MYOM1: variants seen among roughly 807,000 people sequenced by gnomAD.
The protein encoded by MYOM1 is myomesin 1.
Under a neutral mutation model 205.3 loss-of-function variants are expected in MYOM1, and 164 were observed. That is an observed-to-expected ratio of 0.80 (90% CI 0.70 to 0.91). MYOM1 has a LOEUF of 0.91. MYOM1 is among the 40% of genes least tolerant of loss of function. MYOM1 has a pLI of 0.00. For missense variants in MYOM1, 2,011 were observed against 2,127.3 expected (o/e 0.95, Z 1.08); for synonymous variants, 772 against 789.4 (o/e 0.98, Z 0.37).
Position 3,209,111 on chromosome 18 carries a change from TC to T in MYOM1, c.290+5822del, listed in dbSNP as rs1172767507. 2.0e-5 allele frequency among the ~76,000 whole-genome samples: 3 copies of T among 152,216 alleles called. No homozygotes were observed. The highest frequency in any genetic ancestry group is 4.4e-5 in the Non-Finnish European group (3 of 68,034). The stretch of plus-strand genomic sequence containing the variant: ...AACACTAACAAAAGAATAAGGCATT[TC>T]TTTGACACGATGTAGAGGGAATCTG... On this transcript the variant is annotated intron_variant, in intron 2 of 37. Transcript: ENST00000356443. This position sits in a 1 kb window ranked among gnomAD's most constrained non-coding sequence, Gnocchi z 4.0.
intron 2 of MYOM1, among the ~76,000 whole-genome samples, chr18:3,199,556 C>T (rs1215653987): frequency 2.6e-5 from 4 of 152,170 alleles, no homozygotes; most frequent in Non-Finnish European, 4.4e-5. Flanking sequence ...ATTACCTGCA[C>T]ACCGGCTGGG....
At chr18:3,070,328 G>T (rs1363658546) in intron 37 of MYOM1, among the ~76,000 whole-genome samples, 1 of 151,952 alleles carries the variant, frequency 6.6e-6, no homozygotes, top group African/African-American at 2.4e-5. Context: ...TTTAAAAATT[G>T]TTTTTGTAGA....
chr18:3,072,384 C>T (rs536645115), intron 36 of MYOM1, among the ~76,000 whole-genome samples: 1 of 60,740 alleles, frequency 1.6e-5, no homozygotes, highest in African/African-American at 1.0e-4. Flanking sequence ...GGCAGAGTCT[C>T]GCTCTGTCAC....
chr18:3,128,220 C>T (rs1299563327), intron 18 of MYOM1, among the ~76,000 whole-genome samples: 2 of 152,156 alleles, frequency 1.3e-5, no homozygotes, highest in Non-Finnish European at 2.9e-5. Flanking sequence ...TCTCTCTCTC[C>T]CTCTATTTCA....
intron 2 of MYOM1, among the ~76,000 whole-genome samples, chr18:3,214,237 G>GTATA (rs556499124): frequency 2.0e-3 from 311 of 152,296 alleles, no homozygotes; most frequent in African/African-American, 6.7e-3. Flanking sequence ...ATTTTAAATT[G>GTATA]TATATATCAG....
chr18:3,193,381 C>CACACACACACACAA (rs139388864), intron 3 of MYOM1, among the ~76,000 whole-genome samples: 11 of 141,470 alleles, frequency 7.8e-5, no homozygotes, highest in South Asian at 2.2e-4. Context: ...CACACACACA[C>CACACACACACACAA]AATAATAAAA....
the MYOM1 span, among the ~76,000 whole-genome samples, chr18:3,243,291 A>G: frequency 1.3e-5 from 2 of 152,226 alleles, no homozygotes; most frequent in Admixed American, 6.5e-5. Flanking sequence ...ATGTATGAAG[A>G]ATTAGAATTC....
intron 5 of MYOM1, among the ~76,000 whole-genome samples, chr18:3,184,191 C>A (rs1222378123): frequency 6.6e-6 from 1 of 152,144 alleles, no homozygotes; most frequent in Non-Finnish European, 1.5e-5. Flanking sequence ...CAGGTGTGAG[C>A]CAGCTGGCCC....
intron 10 of MYOM1, among the ~76,000 whole-genome samples, chr18:3,163,318 C>T (rs2080421106): frequency 6.6e-6 from 1 of 152,214 alleles, no homozygotes; most frequent in South Asian, 2.1e-4. Flanking sequence ...TCCACCGGAA[C>T]AGTCATAGGG....
At chr18:3,126,187 C>T (rs1025913031) in intron 19 of MYOM1, among the ~76,000 whole-genome samples, 2 of 150,830 alleles carry the variant, frequency 1.3e-5, no homozygotes, top group African/African-American at 4.9e-5. Context: ...ATCACTTTAA[C>T]CTGGGAGGTG....
At chr18:3,155,398 G>A (rs1016578051) in intron 10 of MYOM1, among the ~76,000 whole-genome samples, 1 of 152,262 alleles carries the variant, frequency 6.6e-6, no homozygotes, top group East Asian at 1.9e-4. Flanking sequence ...ATTTCTTTTT[G>A]TATTTTTGGT....
chr18:3,131,466 C>G lies in MYOM1; in HGVS notation c.2415G>C (p.Gln805His). Residue 805 changes from glutamine to histidine, a missense_variant, in exon 17 of 38, where the codon CAG becomes CAC. Coordinates refer to ENST00000356443, the MANE Select transcript of MYOM1 (RefSeq NM_003803.4). ...RFTCHGLVTG[Q>H]SYIFRVRAVN... ...CTGCTCTGACCCGGAAAATATAACT[C>G]TGACCAGTCACTAATCCATGACAAG... 6.2e-7 allele frequency: 1 copy of G among 1,613,620 alleles called. No homozygotes were observed. The highest frequency in any genetic ancestry group is 8.5e-7 in the Non-Finnish European group (1 of 1,179,728).
At chr18:3,172,668 C>T (rs1302701207) in intron 8 of MYOM1, among the ~76,000 whole-genome samples, 3 of 152,088 alleles carry the variant, frequency 2.0e-5, no homozygotes, top group African/African-American at 7.2e-5. Flanking sequence ...CACCACCATG[C>T]CTGGCTAATT....
chr18:3,069,123 G>A (rs777146333), intron 37 of MYOM1, among the ~76,000 whole-genome samples: 10 of 151,886 alleles, frequency 6.6e-5, no homozygotes, highest in Non-Finnish European at 4.4e-5. Context: ...TTTTCTGAGC[G>A]GCTATACAAT....
chr18:3,113,332 A>G (rs1381047692), intron 21 of MYOM1, among the ~76,000 whole-genome samples: 1,833 of 6,502 alleles, frequency 0.28, 41 homozygotes, highest in African/African-American at 0.33. Flanking sequence ...ATATATATAT[A>G]TATGTATGTA....
At chr18:3,103,710 C>A (rs1011792285) in intron 22 of MYOM1, among the ~76,000 whole-genome samples, 2 of 152,130 alleles carry the variant, frequency 1.3e-5, no homozygotes, top group African/African-American at 4.8e-5. Context: ...AAGAGGCCAA[C>A]ATCCTGGCCT....
At position 3,193,328 on chromosome 18, in the gene MYOM1, ACATATATATG is replaced by A. The variant is rs2080941603; in HGVS notation, c.431+480_431+489del. 8.9e-5 allele frequency among the ~76,000 whole-genome samples: 13 copies of A among 146,074 alleles called. No individual in the cohort carries two copies. The South Asian group carries it at 2.8e-3, about 31-fold the overall frequency. On this transcript the variant is annotated intron_variant, in intron 3 of 37. Transcript: ENST00000356443. Reference sequence around the variant, plus strand: ...CATATATATATGTATATGTACATATACATATATATGTACATATACATATATATATATATAC... The same window carrying A: ...CATATATATATGTATATGTACATATATACATATACATATATATATATATAC...
chr18:3,119,704 A>G (rs998045033), intron 20 of MYOM1, among the ~76,000 whole-genome samples, 165 bp downstream of exon 20: 1 of 152,264 alleles, frequency 6.6e-6, no homozygotes, highest in African/African-American at 2.4e-5. Context: ...ATTGCTACCT[A>G]TTATTTAATA....
rs1438274216 is a variant in MYOM1 at position 3,090,789 on chromosome 18, T to C, written c.3878A>G (p.His1293Arg). The change falls in exon 27 of 38, where the codon CAT becomes CGT. Residue 1293 changes from histidine (H) to arginine (R), a missense_variant. Physicochemically the swap from His to Arg is conservative, Grantham distance 29. Coordinates refer to ENST00000356443, the MANE Select transcript of MYOM1 (RefSeq NM_003803.4). Reference sequence around the variant, plus strand: ...GATGATGCCAGTGTTTCGGTCAATATGCATTTTATATTTCTTCAGTGTGAA... The same window carrying C: ...GATGATGCCAGTGTTTCGGTCAATACGCATTTTATATTTCTTCAGTGTGAA... The part of the protein sequence containing the change: ...EIFEGPKYKM[H>R]IDRNTGIIEM... 1 of 1,613,852 alleles carries C rather than the reference T, an allele frequency of 6.2e-7. No individual in the cohort carries two copies. Among genetic ancestry groups the C allele is most frequent in the African/African-American group, 1.3e-5 (1 of 74,944 alleles).
Sources: allele counts gnomAD v4.1 joint callset (sites outside exome capture counted in the v4.1 genomes callset), GRCh38; gene constraint gnomAD v4.1.1; non-coding constraint Gnocchi (gnomAD v3.1); transcripts MANE v1.5; gene names NCBI Gene and HGNC (gene_info 2026-07-23, HGNC 2026-07-21).